ARFGAP3: variants seen among roughly 807,000 people sequenced by gnomAD.
ARFGAP3 encodes the protein ADP-ribosylation factor GTPase-activating protein 3.
In ARFGAP3, 72 loss-of-function variants were observed where a neutral mutation model predicts 75.0. That is an observed-to-expected ratio of 0.96 (90% CI 0.79 to 1.17). The LOEUF is 1.17. Ranked by LOEUF, ARFGAP3 falls within the 50% of genes most tolerant of loss-of-function variation. The probability of loss-of-function intolerance (pLI) is 0.00; values close to 1 mark genes in which losing one functional copy is unlikely to be tolerated. For synonymous variants in ARFGAP3, 221 were observed against 217.9 expected (o/e 1.01, Z -0.13); for missense variants, 620 against 626.6 (o/e 0.99, Z 0.11).
At chr22:42,838,301 C>CTTTT (rs1180613010) in intron 3 of ARFGAP3, among the ~76,000 whole-genome samples, 3 of 98,874 alleles carry the variant, frequency 3.0e-5, no homozygotes, top group African/African-American at 1.2e-4. Context: ...TTTTTTTTTT[C>CTTTT]TTTTTTTTTT....
At chr22:42,836,635 G>A (rs1220130670) in intron 3 of ARFGAP3, among the ~76,000 whole-genome samples, 1 of 152,152 alleles carries the variant, frequency 6.6e-6, no homozygotes, top group African/African-American at 2.4e-5. Context: ...GTATAGACAT[G>A]AATTATAGAA....
intron 11 of ARFGAP3, among the ~76,000 whole-genome samples, chr22:42,812,385 G>A (rs1925405922): frequency 6.6e-6 from 1 of 152,160 alleles, no homozygotes; most frequent in Non-Finnish European, 1.5e-5. Context: ...AAGGAAGGGT[G>A]ACAGAAGAGA....
chr22:42,804,177 A>G (rs1183885381), intron 14 of ARFGAP3, among the ~76,000 whole-genome samples: 1 of 150,986 alleles, frequency 6.6e-6, no homozygotes, highest in Admixed American at 6.6e-5. Flanking sequence ...GTGCTGGATT[A>G]TAGGGGTGAG....
intron 11 of ARFGAP3, among the ~76,000 whole-genome samples, chr22:42,816,646 C>T (rs1925592207): frequency 6.6e-6 from 1 of 152,094 alleles, no homozygotes; most frequent in Non-Finnish European, 1.5e-5. Context: ...AGGAGAGAAA[C>T]CTAGGCTTTA....
At chr22:42,825,155 T>C (rs914843660) in intron 7 of ARFGAP3, among the ~76,000 whole-genome samples, 3 of 152,136 alleles carry the variant, frequency 2.0e-5, no homozygotes, top group African/African-American at 7.2e-5. Context: ...TCCCAGCTAC[T>C]TGGGAGGCTG....
Position 42,857,258 on chromosome 22 carries a change from G to C in ARFGAP3, c.-76C>G. 2 of 1,473,400 alleles carry C rather than the reference G, an allele frequency of 1.4e-6. No homozygotes were observed. Among genetic ancestry groups the C allele is most frequent in the Non-Finnish European group, 1.8e-6 (2 of 1,106,256 alleles). The allele number at this position is 1,473,400 out of a possible 1,614,324, so 91.3% of individuals were successfully genotyped here. On this transcript the variant is annotated 5_prime_UTR_variant, in exon 1 of 16. Transcript: ENST00000263245. ...ACGAAAAGCGGCTACCGCCTCAGCA[G>C]GAGCGACGAGGCCGCGGGGGCGGGG...
intron 3 of ARFGAP3, among the ~76,000 whole-genome samples, chr22:42,836,051 C>T (rs9607960): frequency 4.9e-5 from 7 of 143,218 alleles, no homozygotes; most frequent in African/African-American, 1.0e-4. Flanking sequence ...GGCTCCATCT[C>T]GGTTCACTGC....
chr22:42,838,820 C>A (rs1926650531), intron 3 of ARFGAP3, among the ~76,000 whole-genome samples: 1 of 151,976 alleles, frequency 6.6e-6, no homozygotes, highest in African/African-American at 2.4e-5. Context: ...GTTTGAAAAT[C>A]CTTAATTAGG....
At chr22:42,842,905 C>T (rs1371497353) in intron 2 of ARFGAP3, among the ~76,000 whole-genome samples, 1 of 152,154 alleles carries the variant, frequency 6.6e-6, no homozygotes, top group Non-Finnish European at 1.5e-5. Context: ...TCATCATCAA[C>T]ATGTTCTAGG....
chr22:42,848,239 C>T (rs539141739), intron 1 of ARFGAP3, among the ~76,000 whole-genome samples: 41 of 152,150 alleles, frequency 2.7e-4, no homozygotes, highest in Admixed American at 2.0e-3. Flanking sequence ...GACGGAGTCT[C>T]GCTCTGTCGC....
intron 1 of ARFGAP3, among the ~76,000 whole-genome samples, chr22:42,852,077 T>G (rs1602137378): frequency 6.6e-6 from 1 of 152,158 alleles, no homozygotes; most frequent in East Asian, 1.9e-4. Context: ...ATTCTTTTTT[T>G]TTTTTTTTGA....
chr22:42,804,544 G>A (rs1418634335), intron 14 of ARFGAP3, among the ~76,000 whole-genome samples: 1 of 152,076 alleles, frequency 6.6e-6, no homozygotes, highest in African/African-American at 2.4e-5. Flanking sequence ...ACCACGCCAA[G>A]CTAGTTTTTG....
intron 1 of ARFGAP3, among the ~76,000 whole-genome samples, chr22:42,855,301 CAAAA>C (rs1450078929): frequency 6.6e-6 from 1 of 152,058 alleles, no homozygotes; most frequent in Non-Finnish European, 1.5e-5. Flanking sequence ...ATAAAGGTGA[CAAAA>C]AAATATAGTT....
At chr22:42,847,004 G>A (rs774338965) in intron 2 of ARFGAP3, among the ~76,000 whole-genome samples, 28 of 152,260 alleles carry the variant, frequency 1.8e-4, no homozygotes, top group African/African-American at 6.5e-4. Context: ...AGGCAGCATC[G>A]CCTAGTGAGA....
intron 3 of ARFGAP3, among the ~76,000 whole-genome samples, chr22:42,839,177 A>C (rs972008987): frequency 6.6e-6 from 1 of 152,084 alleles, no homozygotes; most frequent in Non-Finnish European, 1.5e-5. Flanking sequence ...GGTTAAGGAA[A>C]TCAGTTCTTT....
chr22:42,803,959 A>G (rs1403296611), intron 14 of ARFGAP3, among the ~76,000 whole-genome samples: 1 of 136,550 alleles, frequency 7.3e-6, no homozygotes, highest in Non-Finnish European at 1.5e-5. Flanking sequence ...GCTGGAGTGC[A>G]GTGGCACGAT....
chr22:42,802,242 G>C (rs1247666377), intron 14 of ARFGAP3, among the ~76,000 whole-genome samples: 3 of 151,966 alleles, frequency 2.0e-5, no homozygotes, highest in African/African-American at 7.3e-5. Context: ...GTGTGACGTG[G>C]GAGGTGGAAG....
intron 2 of ARFGAP3, among the ~76,000 whole-genome samples, chr22:42,843,078 TC>T (rs1423475757): frequency 3.3e-5 from 5 of 151,648 alleles, no homozygotes; most frequent in African/African-American, 1.2e-4. Flanking sequence ...CAGATTTGCC[TC>T]CCCCCGACCC....
chr22:42,837,651 C>A (rs1602121617), intron 3 of ARFGAP3, among the ~76,000 whole-genome samples: 1 of 138,806 alleles, frequency 7.2e-6, no homozygotes, highest in Non-Finnish European at 1.5e-5. Flanking sequence ...CAAAAAAAAG[C>A]CTTGAAACAT....
Sources: gnomAD v4.1 joint callset for allele counts (sites outside exome capture counted in the v4.1 genomes callset) on GRCh38, gnomAD v4.1.1 for gene constraint, MANE v1.5 for transcripts, NCBI Gene and HGNC (gene_info 2026-07-23, HGNC 2026-07-21) for gene names.